CYLC1: variants seen among roughly 807,000 people sequenced by gnomAD.
CYLC1 encodes the protein cylicin-1.
In CYLC1, 2 loss-of-function variants were observed where a neutral mutation model predicts 31.6. The ratio of observed to expected loss-of-function variants is 0.06; its 90% confidence interval spans 0.03 to 0.20. The LOEUF is 0.20. Among genes scored for constraint, CYLC1 ranks in the 10% least tolerant of loss-of-function variants. CYLC1 has a pLI of 1.00. For synonymous variants in CYLC1, 185 were observed against 153.0 expected (o/e 1.21, Z -1.54); for missense variants, 595 against 424.1 (o/e 1.40, Z -3.54).
At chrX:83,862,303 G>A (rs1446921974) in intron 1 of CYLC1, among the ~76,000 whole-genome samples, 1 of 108,753 alleles carries the variant, frequency 9.2e-6, no homozygotes, top group African/African-American at 3.3e-5. Flanking sequence ...AGGCCGAGGC[G>A]GGTGGATCAC....
At chrX:83,868,432 T>A (rs1359151529) in intron 1 of CYLC1, among the ~76,000 whole-genome samples, 2 of 111,026 alleles carry the variant, frequency 1.8e-5, no homozygotes, top group Non-Finnish European at 3.8e-5. Flanking sequence ...TATTTCATTA[T>A]GGTTATAGAT....
At position 83,871,543 on chromosome X, in the gene CYLC1, A is replaced by G. The variant is rs1396514133; in HGVS notation, c.150A>G (p.Arg50=). 2 of 1,194,390 alleles carry G rather than the reference A, an allele frequency of 1.7e-6. No homozygotes were observed. The highest frequency in any genetic ancestry group is 6.0e-5 in the East Asian group (2 of 33,104). The change falls in exon 3 of 5, where the codon AGA becomes AGG. Residue 50 remains arginine, a synonymous_variant. Coordinates refer to ENST00000329312, the MANE Select transcript of CYLC1 (RefSeq NM_021118.3). ...PLQRGTNDKS[R]PLKSQITVTR... ...AGAGAGGTACAAATGATAAATCAAG[A>G]CCTTTGAAATCACAAATAACAGTTA...
intron 1 of CYLC1, among the ~76,000 whole-genome samples, chrX:83,865,513 T>C (rs1722155397): frequency 8.9e-6 from 1 of 112,083 alleles, no homozygotes; most frequent in South Asian, 3.7e-4. Flanking sequence ...CAAATTACCA[T>C]ATACTTTGTG....
intron 2 of CYLC1, among the ~76,000 whole-genome samples, chrX:83,870,112 T>TTGCACTCAC (rs1217053542): frequency 9.0e-6 from 1 of 111,565 alleles, no homozygotes; most frequent in African/African-American, 3.2e-5. Context: ...TGATGTAGAT[T>TTGCACTCAC]TGCACTCACT....
chrX:83,864,799 C>T (rs1252555332), intron 1 of CYLC1: 3 of 246,498 alleles, frequency 1.2e-5, no homozygotes, highest in Non-Finnish European at 2.3e-5. Flanking sequence ...TGAGCCCCTT[C>T]ATGAAATATT....
chrX:83,877,780 A>G (rs1254877424), intron 4 of CYLC1, among the ~76,000 whole-genome samples: 1 of 100,291 alleles, frequency 1.0e-5, no homozygotes, highest in African/African-American at 3.6e-5. Context: ...CACTGAATTT[A>G]TATTTATATA....
At chrX:83,877,930 A>G (rs1455936253) in intron 4 of CYLC1, among the ~76,000 whole-genome samples, 1 of 80,491 alleles carries the variant, frequency 1.2e-5, no homozygotes, top group African/African-American at 4.5e-5. Flanking sequence ...ATATATAAAT[A>G]TAAATATATA....
rs1212042002 is a variant in CYLC1, at chrX:83,876,156, TA to T, written c.1923+1530del. 5.4e-5 allele frequency among the ~76,000 whole-genome samples: 6 copies of T among 110,760 alleles called. No individual in the cohort carries two copies. In the South Asian group the frequency reaches 1.5e-3, roughly 28 times the overall value. ...TCATATATTAATATTTTTTGGAAGA[TA>T]AAAACATCTTTTATCACTCTCAGAA... On this transcript the variant is annotated intron_variant, in intron 4 of 4. Coordinates refer to ENST00000329312, the MANE Select transcript of CYLC1 (RefSeq NM_021118.3).
intron 3 of CYLC1, 130 bp from the exon 4 acceptor site, chrX:83,872,748 CACACACAG>C: frequency 4.3e-6 from 2 of 461,254 alleles, no homozygotes; most frequent in South Asian, 5.3e-5. Context: ...CACACACACA[CACACACAG>C]ACACAACCTT....
At chrX:83,877,907 TAA>T (rs1172191550) in intron 4 of CYLC1, among the ~76,000 whole-genome samples, 1 of 21,265 alleles carries the variant, frequency 4.7e-5, no homozygotes, top group African/African-American at 1.0e-4. Flanking sequence ...CAAATATATA[TAA>T]ATATATATAT....
At chrX:83,879,011 G>T (rs1217604998) in intron 4 of CYLC1, among the ~76,000 whole-genome samples, 1 of 109,380 alleles carries the variant, frequency 9.1e-6, no homozygotes, top group Non-Finnish European at 1.9e-5. Flanking sequence ...CCTGGATTAA[G>T]ATTATTTACA....
In CYLC1 at chrX:83,861,161, A is replaced by C. The variant is rs764889890; in HGVS notation, c.-22A>C. On this transcript the variant is annotated 5_prime_UTR_variant, in exon 1 of 5. Coordinates refer to ENST00000329312, the MANE Select transcript of CYLC1 (RefSeq NM_021118.3). Reference sequence around the variant, plus strand: ...GTTTCAACTTACTATGCTCAAGTCCAGGCAACGTACAGGCAGGGGAAATGT... The same window carrying C: ...GTTTCAACTTACTATGCTCAAGTCCCGGCAACGTACAGGCAGGGGAAATGT... The C allele has an allele frequency of 8.4e-7, 1 of 1,192,925 alleles. No individual in the cohort carries two copies. The highest frequency in any genetic ancestry group is 1.8e-5 in the South Asian group (1 of 54,683).
intron 1 of CYLC1, among the ~76,000 whole-genome samples, chrX:83,865,776 A>C (rs1405086095): frequency 9.0e-6 from 1 of 111,304 alleles, no homozygotes; most frequent in East Asian, 2.8e-4. Flanking sequence ...CCTATTTCTT[A>C]TATGCACAAT....
intron 3 of CYLC1, 144 bp from the exon 4 acceptor site, chrX:83,872,742 C>T (rs1264556292): frequency 2.3e-6 from 1 of 435,138 alleles, no homozygotes; most frequent in African/African-American, 2.6e-5. Flanking sequence ...CACACACACA[C>T]ACACACACAC....
intron 3 of CYLC1, 50 bp from the exon 4 acceptor site, chrX:83,872,836 A>G: frequency 1.1e-6 from 1 of 909,275 alleles, no homozygotes; most frequent in Non-Finnish European, 1.5e-6. Context: ...TTCAATATAG[A>G]AAGATAAAAC....
chrX:83,882,525 A>G (rs1476455177), intron 4 of CYLC1, among the ~76,000 whole-genome samples: 1 of 110,605 alleles, frequency 9.0e-6, no homozygotes, highest in Non-Finnish European at 1.9e-5. Flanking sequence ...TGCCTTTATA[A>G]AAACTATCTC....
chrX:83,886,524 A>G (rs755941161), intron 4 of CYLC1, 28 bp from the exon 5 acceptor site: 2 of 1,198,734 alleles, frequency 1.7e-6, no homozygotes, highest in East Asian at 3.0e-5. Context: ...CTTTCTTTTT[A>G]TTTGCATTTT....
Position 83,874,194 on chromosome X carries a change from A to G in CYLC1, c.1486A>G (p.Lys496Glu). The G allele has an allele frequency of 8.3e-7, 1 of 1,206,339 alleles. No homozygotes were observed. The highest frequency in any genetic ancestry group is 1.1e-6 in the Non-Finnish European group (1 of 892,151). ...MESDLELKKDKKHSKEKKGSK... is the reference protein window; with the variant it reads ...MESDLELKKDEKHSKEKKGSK... ...ATCTGATTTGGAGTTAAAGAAGGAC[A>G]AGAAACACTCAAAGGAAAAGAAAGG... Residue 496 changes from lysine (K) to glutamate (E), a missense_variant, in exon 4 of 5, where the codon AAG becomes GAG. Coordinates refer to ENST00000329312, the MANE Select transcript of CYLC1 (RefSeq NM_021118.3).
chrX:83,873,440 T>C lies in CYLC1; in HGVS notation c.732T>C (p.Asn244=). ...ISEICSENSL[N]VDFLMLVGQS... ...AGATTTGCTCAGAAAATAGTTTAAA[T>C]GTTGATTTCCTCATGTTAGTGGGAC... The change falls in exon 4 of 5, where the codon AAT becomes AAC. Residue 244 remains asparagine (N), a synonymous_variant. Coordinates refer to ENST00000329312, the MANE Select transcript of CYLC1 (RefSeq NM_021118.3). 3.3e-6 allele frequency: 4 copies of C among 1,202,852 alleles called. No homozygotes were observed. The highest frequency in any genetic ancestry group is 4.5e-6 in the Non-Finnish European group (4 of 891,437).
Sources: gnomAD v4.1 joint callset for allele counts (sites outside exome capture counted in the v4.1 genomes callset) on GRCh38, gnomAD v4.1.1 for gene constraint, MANE v1.5 for transcripts, NCBI Gene and HGNC (gene_info 2026-07-23, HGNC 2026-07-21) for gene names.